SYT15B: variants seen among roughly 807,000 people sequenced by gnomAD.
The protein encoded by SYT15B is synaptotagmin 15B.
chr10:47,762,883 C>T, the SYT15B span: 20 of 1,437,576 alleles, frequency 1.4e-5, 1 homozygote, highest in African/African-American at 1.7e-4. Context: ...GGTGGAGGGG[C>T]GCAGAGCCGA....
chr10:47,762,981 G>T, the SYT15B span: 2 of 1,274,336 alleles, frequency 1.6e-6, no homozygotes, highest in Non-Finnish European at 2.0e-6. Flanking sequence ...TTGGGGCAGG[G>T]TGCGGTGAGA....
At chr10:47,751,226 A>T in the SYT15B span, 2 of 149,516 alleles carry the variant, frequency 1.3e-5, no homozygotes, top group Non-Finnish European at 3.0e-5. Context: ...TGCAATTTGT[A>T]TACCAATTTT....
At chr10:47,749,119 C>T in the SYT15B span, among the ~76,000 whole-genome samples, 47 of 81,762 alleles carry the variant, frequency 5.7e-4, 1 homozygote, top group Admixed American at 5.7e-3. Flanking sequence ...CCTGTAGTCC[C>T]GCTACTCGGG....
chr10:47,744,738 T>TGAAAACAG, the SYT15B span, among the ~76,000 whole-genome samples: 1 of 151,744 alleles, frequency 6.6e-6, no homozygotes, highest in South Asian at 2.1e-4. Context: ...GCAAACTATT[T>TGAAAACAG]TATTCTTGTT....
At chr10:47,756,440 T>C in the SYT15B span, among the ~76,000 whole-genome samples, 1 of 137,546 alleles carries the variant, frequency 7.3e-6, no homozygotes, top group Non-Finnish European at 1.6e-5. Flanking sequence ...TTTTCCTTCC[T>C]CTTTGCATCA....
At chr10:47,744,753 A>G in the SYT15B span, among the ~76,000 whole-genome samples, 1 of 151,648 alleles carries the variant, frequency 6.6e-6, no homozygotes. Context: ...CTTGTTTTCT[A>G]TTTACCAATT....
chr10:47,747,029 G>A, the SYT15B span, among the ~76,000 whole-genome samples: 1 of 133,754 alleles, frequency 7.5e-6, no homozygotes, highest in Admixed American at 7.8e-5. Context: ...TTTTTAAAAA[G>A]TTTTTGGAAA....
At chr10:47,749,225 C>A in the SYT15B span, among the ~76,000 whole-genome samples, 12,210 of 79,610 alleles carry the variant, frequency 0.15, 623 homozygotes, top group East Asian at 0.37. Context: ...CAGAGTGAGA[C>A]CCTGTCTCAA....
the SYT15B span, among the ~76,000 whole-genome samples, chr10:47,754,940 CCT>C: frequency 2.1e-5 from 1 of 48,268 alleles, no homozygotes; most frequent in Admixed American, 3.6e-4. Context: ...CATTGCTTAA[CCT>C]CTTTCTTTTT....
the SYT15B span, among the ~76,000 whole-genome samples, chr10:47,749,212 C>T: frequency 5.7e-5 from 5 of 87,490 alleles, no homozygotes; most frequent in African/African-American, 8.4e-5. Context: ...CCAGCCTGGG[C>T]GACAGAGTGA....
chr10:47,747,277 A>G, the SYT15B span, among the ~76,000 whole-genome samples: 7 of 152,176 alleles, frequency 4.6e-5, no homozygotes, highest in Admixed American at 6.5e-5. Context: ...TGAAGGGGCC[A>G]AGATATCATG....
the SYT15B span, among the ~76,000 whole-genome samples, chr10:47,755,191 G>A: frequency 3.9e-3 from 589 of 151,546 alleles, 4 homozygotes; most frequent in Non-Finnish European, 6.1e-3. Context: ...TCTTGATGTC[G>A]TAATCCACCC....
At chr10:47,745,034 A>G in the SYT15B span, among the ~76,000 whole-genome samples, 204 of 151,862 alleles carry the variant, frequency 1.3e-3, no homozygotes, top group African/African-American at 4.7e-3. Context: ...ATTTGGCTCC[A>G]GGCATTGGGC....
the SYT15B span, chr10:47,762,625 C>T: frequency 3.4e-6 from 2 of 585,410 alleles, no homozygotes; most frequent in African/African-American, 4.2e-5. Context: ...GGAGGCGAGG[C>T]TCGCTTACCC....
At chr10:47,747,266 C>T in the SYT15B span, among the ~76,000 whole-genome samples, 1 of 152,070 alleles carries the variant, frequency 6.6e-6, no homozygotes, top group South Asian at 2.1e-4. Context: ...GCAGCTGGAA[C>T]TGAAGGGGCC....
At chr10:47,755,555 C>CTTTTTTTT in the SYT15B span, among the ~76,000 whole-genome samples, 6 of 82,986 alleles carry the variant, frequency 7.2e-5, 1 homozygote, top group South Asian at 9.0e-4. Flanking sequence ...GTGCCCGGCC[C>CTTTTTTTT]TTTTTTTTTT....
chr10:47,756,585 A>G, the SYT15B span, among the ~76,000 whole-genome samples: 5 of 149,816 alleles, frequency 3.3e-5, no homozygotes, highest in East Asian at 1.0e-3. Flanking sequence ...ACAGAGGGCT[A>G]AGATTTGGTG....
At chr10:47,757,520 T>C in the SYT15B span, among the ~76,000 whole-genome samples, 1 of 76,968 alleles carries the variant, frequency 1.3e-5, no homozygotes, top group Non-Finnish European at 3.4e-5. Flanking sequence ...GCTTGTGCAG[T>C]CCTGTGGACC....
At chr10:47,748,000 T>C in the SYT15B span, among the ~76,000 whole-genome samples, 2 of 152,116 alleles carry the variant, frequency 1.3e-5, no homozygotes, top group Non-Finnish European at 2.9e-5. Context: ...ACAAAGAGTA[T>C]GGAAAATACA....
Sources: allele counts gnomAD v4.1 joint callset (sites outside exome capture counted in the v4.1 genomes callset), GRCh38; gene constraint gnomAD v4.1.1; transcripts MANE v1.5; gene names NCBI Gene and HGNC (gene_info 2026-07-23, HGNC 2026-07-21).